Variants in CLCN5 observed in about 807,000 individuals in gnomAD.
CLCN5 encodes H(+)/Cl(-) exchange transporter 5.
CLCN5 carries 17 observed loss-of-function variants against 54.0 expected under a neutral mutation model. The ratio of observed to expected loss-of-function variants is 0.31; its 90% CI spans 0.22 to 0.47. The LOEUF (loss-of-function observed/expected upper bound fraction) is 0.47, where lower values mean the gene tolerates loss of function less well. CLCN5 is among the 20% of genes least tolerant of loss of function. CLCN5 has a pLI of 1.00. For missense variants in CLCN5, 448 were observed against 646.7 expected, an observed-to-expected ratio of 0.69 and a Z score of 3.33; for synonymous variants, 222 against 233.0, an observed-to-expected ratio of 0.95 and a Z score of 0.43.
At chrX:50,075,027 A>G (rs1437092485) in intron 6 of CLCN5, among the ~76,000 whole-genome samples, 1 of 111,847 alleles carries the variant, frequency 8.9e-6, no homozygotes, top group Non-Finnish European at 1.9e-5. Context: ...TCACGATTCC[A>G]TTTCCCATCA....
chrX:50,072,472 T>G lies in CLCN5; in HGVS notation c.316-17T>G, dbSNP rs56117808. The G allele has an allele frequency of 5.8e-3, 6,408 of 1,106,348 alleles. 29 individuals carry two copies. The highest frequency in any genetic ancestry group is 0.017 in the South Asian group (926 of 54,546). The allele number at this position is 1,106,348 out of a possible 1,213,427, so 91.2% of individuals were successfully genotyped here. A position where few individuals can be genotyped will look rare whatever the true frequency, so the allele number is the denominator to read the frequency against. On this transcript the variant is annotated splice_polypyrimidine_tract_variant and intron_variant, in intron 5 of 14. Coordinates refer to ENST00000376091, the MANE Select transcript of CLCN5 (RefSeq NM_001127898.4). ...GGTGTGTGTAGAGTGTACCAATGTT[T>G]TCTCATTTTCCCCTAGATTACCAAT...
At chrX:49,924,145 ATTTTTTT>A (rs34424526) in intron 2 of CLCN5, among the ~76,000 whole-genome samples, 7 of 84,507 alleles carry the variant, frequency 8.3e-5, no homozygotes, top group Non-Finnish European at 1.6e-4. Flanking sequence ...CCTAGCTCCT[ATTTTTTT>A]TTTTTTTTTT....
At chrX:50,008,558 T>C (rs1557181945) in intron 3 of CLCN5, 1 of 336,026 alleles carries the variant, frequency 3.0e-6, no homozygotes, top group East Asian at 8.0e-5. Flanking sequence ...CCTCCTATCA[T>C]CCATTCCACA....
At chrX:50,079,049 T>C (rs1557192631) in intron 7 of CLCN5, among the ~76,000 whole-genome samples, 1 of 111,694 alleles carries the variant, frequency 9.0e-6, no homozygotes, top group Non-Finnish European at 1.9e-5. Context: ...GGTCTTGATC[T>C]CCTGACCTCG....
chrX:49,939,759 G>A (rs1926228143), intron 3 of CLCN5, among the ~76,000 whole-genome samples: 1 of 111,068 alleles, frequency 9.0e-6, no homozygotes, highest in African/African-American at 3.3e-5. Flanking sequence ...TGCACATTGT[G>A]CACATGTACC....
intron 3 of CLCN5, among the ~76,000 whole-genome samples, chrX:49,997,010 C>T (rs1929557124): frequency 1.8e-5 from 2 of 111,851 alleles, no homozygotes; most frequent in Non-Finnish European, 3.8e-5. Flanking sequence ...TTCACTCCAA[C>T]TCATCTTATC....
chrX:49,928,491 A>T (rs891205254), intron 3 of CLCN5, among the ~76,000 whole-genome samples: 2 of 111,999 alleles, frequency 1.8e-5, no homozygotes, highest in Non-Finnish European at 3.8e-5. Flanking sequence ...TATTACTACT[A>T]TCACTATTAT....
chrX:49,925,159 T>G lies in CLCN5; in HGVS notation c.-128-12T>G. On this transcript the variant is annotated splice_polypyrimidine_tract_variant and intron_variant, in intron 2 of 14. Transcript: ENST00000376091. ...TTCTTTTAGGTATTCATTTTTCTGT[T>G]TACATTTTCAGGTTTGGGGCTTTAG... 1 of 629,832 alleles carries G rather than the reference T, an allele frequency of 1.6e-6. No homozygotes were observed. The highest frequency in any genetic ancestry group is 2.6e-6 in the Non-Finnish European group (1 of 382,929). The allele number at this position is 629,832 out of a possible 1,213,427, so 51.9% of individuals were successfully genotyped here.
chrX:50,033,204 A>G (rs1415143152), intron 3 of CLCN5, among the ~76,000 whole-genome samples: 1 of 111,110 alleles, frequency 9.0e-6, no homozygotes, highest in Non-Finnish European at 1.9e-5. Context: ...AGGGTATTCA[A>G]TTAGGAAAAG....
At chrX:49,963,197 C>T (rs1412149432) in intron 3 of CLCN5, among the ~76,000 whole-genome samples, 6 of 111,334 alleles carry the variant, frequency 5.4e-5, no homozygotes, top group African/African-American at 1.3e-4. Flanking sequence ...ACTGGAGAGG[C>T]GAAGAGGAAG....
chrX:50,003,704 C>T, intron 3 of CLCN5: 1 of 281,397 alleles, frequency 3.6e-6, no homozygotes, highest in South Asian at 3.3e-5. Flanking sequence ...TGTCCTTTCT[C>T]CCATCTCAGT....
intron 3 of CLCN5, among the ~76,000 whole-genome samples, chrX:50,015,850 G>T: frequency 9.0e-6 from 1 of 111,534 alleles, no homozygotes; most frequent in Non-Finnish European, 1.9e-5. Context: ...GAGACAGAAA[G>T]AGACACACAC....
intron 3 of CLCN5, among the ~76,000 whole-genome samples, chrX:49,933,938 T>C (rs1385901162): frequency 2.7e-5 from 3 of 111,460 alleles, no homozygotes; most frequent in African/African-American, 9.8e-5. Context: ...TCAGAGGTGA[T>C]CTGTTTCAGA....
At chrX:49,926,297 C>A (rs1925337728) in intron 3 of CLCN5, among the ~76,000 whole-genome samples, 2 of 112,368 alleles carry the variant, frequency 1.8e-5, no homozygotes. Context: ...TTGACTCACA[C>A]AATGGGCATT....
At chrX:49,939,540 A>G (rs1557170346) in intron 3 of CLCN5, among the ~76,000 whole-genome samples, 1 of 111,271 alleles carries the variant, frequency 9.0e-6, no homozygotes, top group Non-Finnish European at 1.9e-5. Context: ...TCGCAAGGAC[A>G]AAAAACCAAA....
chrX:50,075,318 A>C (rs1557191972), intron 6 of CLCN5, among the ~76,000 whole-genome samples: 1 of 111,223 alleles, frequency 9.0e-6, no homozygotes, highest in South Asian at 3.8e-4. Flanking sequence ...AAGCAATCTC[A>C]AATAAACATC....
At chrX:50,028,334 G>C (rs1461473173) in intron 3 of CLCN5, among the ~76,000 whole-genome samples, 1 of 112,012 alleles carries the variant, frequency 8.9e-6, no homozygotes, top group Non-Finnish European at 1.9e-5. Flanking sequence ...GAAGCAGAAA[G>C]AGCTTTTTCT....
chrX:49,986,379 C>T (rs1371885621), intron 3 of CLCN5, among the ~76,000 whole-genome samples: 1 of 111,311 alleles, frequency 9.0e-6, no homozygotes, highest in Non-Finnish European at 1.9e-5. Context: ...TCAAAGGCGC[C>T]ATCTGCCCAG....
At position 50,095,998 on chromosome X, in the gene CLCN5, C is replaced by G. The variant is rs1054258560; in HGVS notation, c.*3779C>G. The G allele has an allele frequency of 1.7e-4, 19 of 111,662 alleles. No homozygotes were observed. The highest frequency in any genetic ancestry group is 5.9e-4 in the African/African-American group (18 of 30,694). The allele number at this position is 111,662 out of a possible 1,213,427, so 9.2% of individuals were successfully genotyped here. A position where few individuals can be genotyped will look rare whatever the true frequency, so the allele number is the denominator to read the frequency against. On this transcript the variant is annotated 3_prime_UTR_variant, in exon 15 of 15. Transcript: ENST00000376091. ...GAACTTGAGTTTTTAATAATGATAG[C>G]AAAGACAATGGTGAGAACTTGAAAC...
Sources: gnomAD v4.1 joint callset for allele counts (sites outside exome capture counted in the v4.1 genomes callset) on GRCh38, gnomAD v4.1.1 for gene constraint, MANE v1.5 for transcripts, NCBI Gene and HGNC (gene_info 2026-07-23, HGNC 2026-07-21) for gene names.